The following FOXJ3 variants were observed in gnomAD, a reference collection of about 807,000 sequenced individuals.
The protein encoded by FOXJ3 is forkhead box J3, also known as forkhead box protein J3.
FOXJ3 carries 22 observed loss-of-function variants against 76.1 expected under a neutral mutation model. The ratio of observed to expected loss-of-function variants is 0.29; its 90% confidence interval spans 0.21 to 0.41. The LOEUF (loss-of-function observed/expected upper bound fraction) is 0.41. Ranked by LOEUF, FOXJ3 falls within the 10% of genes least tolerant of loss-of-function variation. The pLI is 1.00. For missense variants in FOXJ3, 613 were observed against 762.1 expected (o/e 0.80, Z 2.30); for synonymous variants, 269 against 261.2 (o/e 1.03, Z -0.29).
chr1:42,218,106 T>C (rs143781891), intron 5 of FOXJ3, among the ~76,000 whole-genome samples: 1 of 152,228 alleles, frequency 6.6e-6, no homozygotes, highest in Non-Finnish European at 1.5e-5. Context: ...AGAGTAGGCA[T>C]GTAGATTGCA....
At chr1:42,205,945 T>C (rs572900610) in intron 5 of FOXJ3, 82 bp from the exon 6 acceptor site, 3 of 730,324 alleles carry the variant, frequency 4.1e-6, no homozygotes, top group Non-Finnish European at 7.0e-6. Flanking sequence ...CTCATCAAAT[T>C]CTTGAACATC....
At chr1:42,205,956 C>A in intron 5 of FOXJ3, 93 bp from the exon 6 acceptor site, 1 of 679,266 alleles carries the variant, frequency 1.5e-6, no homozygotes, top group Non-Finnish European at 2.5e-6. Context: ...CTTGAACATC[C>A]AGTTTTGTGC....
intron 2 of FOXJ3, among the ~76,000 whole-genome samples, chr1:42,279,584 G>C (rs1244208416): frequency 6.6e-6 from 1 of 152,120 alleles, no homozygotes. Context: ...AAATCTGCCA[G>C]GTTAACACAT....
chr1:42,335,006 C>T (rs1484428152), intron 1 of FOXJ3, 53 bp downstream of exon 1: 1 of 152,436 alleles, frequency 6.6e-6, no homozygotes. Flanking sequence ...ATGCCACAGC[C>T]CCGCCTCCTC....
intron 5 of FOXJ3, among the ~76,000 whole-genome samples, chr1:42,225,612 T>G (rs935953075): frequency 2.0e-5 from 3 of 152,216 alleles, no homozygotes; most frequent in Non-Finnish European, 4.4e-5. Flanking sequence ...TAGGCCAAAA[T>G]GAATATCAGT....
intron 2 of FOXJ3, among the ~76,000 whole-genome samples, chr1:42,285,031 CAA>C (rs1406224935): frequency 3.3e-5 from 5 of 152,148 alleles, no homozygotes; most frequent in Non-Finnish European, 5.9e-5. Flanking sequence ...TACTATGTCA[CAA>C]AGTTAGTATT....
chr1:42,312,336 G>A (rs1355171567), intron 1 of FOXJ3, among the ~76,000 whole-genome samples: 1 of 152,032 alleles, frequency 6.6e-6, no homozygotes, highest in Non-Finnish European at 1.5e-5. Flanking sequence ...GAGCTTACAG[G>A]TATAAGCGAC....
intron 2 of FOXJ3, among the ~76,000 whole-genome samples, chr1:42,279,110 A>C (rs929013502): frequency 1.3e-5 from 2 of 152,220 alleles, no homozygotes; most frequent in Non-Finnish European, 2.9e-5. Flanking sequence ...GAGTCATAAA[A>C]ACAAATTACC....
intron 5 of FOXJ3, among the ~76,000 whole-genome samples, chr1:42,215,717 T>A (rs1046827705): frequency 6.6e-6 from 1 of 152,088 alleles, no homozygotes; most frequent in Non-Finnish European, 1.5e-5. Context: ...AAACTACATA[T>A]CACATGCAGG....
intron 4 of FOXJ3, among the ~76,000 whole-genome samples, chr1:42,231,404 TGATTCCACTTATAA>T (rs1648102355): frequency 6.6e-6 from 1 of 152,238 alleles, no homozygotes; most frequent in Admixed American, 6.5e-5. Context: ...AAATATTGTA[TGATTCCACTTATAA>T]GTACTAAAAT....
intron 2 of FOXJ3, among the ~76,000 whole-genome samples, chr1:42,290,347 G>A (rs1369591943): frequency 6.6e-6 from 1 of 152,086 alleles, no homozygotes; most frequent in African/African-American, 2.4e-5. Context: ...TAAACAAACA[G>A]ACCTTCTGTT....
intron 4 of FOXJ3, among the ~76,000 whole-genome samples, chr1:42,255,255 C>T (rs368970710): frequency 4.6e-5 from 7 of 151,960 alleles, no homozygotes; most frequent in Non-Finnish European, 8.8e-5. Flanking sequence ...GTAGAGTAGG[C>T]GGTATAAAGT....
chr1:42,289,614 CAT>C (rs1196193244), intron 2 of FOXJ3, among the ~76,000 whole-genome samples: 2 of 152,172 alleles, frequency 1.3e-5, no homozygotes, highest in South Asian at 4.1e-4. Flanking sequence ...TGCTCATGCA[CAT>C]GTCAGGCTTT....
At chr1:42,299,487 G>A (rs1653995855) in intron 2 of FOXJ3, among the ~76,000 whole-genome samples, 1 of 147,868 alleles carries the variant, frequency 6.8e-6, no homozygotes. Flanking sequence ...GTCTGTAACT[G>A]TCTTTAACCA....
chr1:42,180,793 G>A (rs1190739405), intron 12 of FOXJ3, among the ~76,000 whole-genome samples: 1 of 152,134 alleles, frequency 6.6e-6, no homozygotes, highest in Non-Finnish European at 1.5e-5. Context: ...CTAACAACTC[G>A]AGGACACAGG....
At chr1:42,214,330 T>G (rs1647023569) in intron 5 of FOXJ3, among the ~76,000 whole-genome samples, 1 of 152,188 alleles carries the variant, frequency 6.6e-6, no homozygotes, top group South Asian at 2.1e-4. Context: ...AGGCAAAAAG[T>G]AGTCTGATCG....
chr1:42,207,312 G>C, intron 5 of FOXJ3, among the ~76,000 whole-genome samples: 1 of 152,212 alleles, frequency 6.6e-6, no homozygotes, highest in South Asian at 2.1e-4. Flanking sequence ...GTGTACATCA[G>C]TTATAGTTTT....
chr1:42,215,613 A>T (rs1271078642), intron 5 of FOXJ3, among the ~76,000 whole-genome samples: 2 of 152,244 alleles, frequency 1.3e-5, no homozygotes, highest in Non-Finnish European at 2.9e-5. Flanking sequence ...CAATTAGCTC[A>T]GTAAACCCCA....
chr1:42,304,499 G>T (rs974905790), intron 2 of FOXJ3, among the ~76,000 whole-genome samples: 3 of 152,058 alleles, frequency 2.0e-5, no homozygotes, highest in African/African-American at 7.2e-5. Flanking sequence ...CTGACTTCAA[G>T]TTATACTACA....
Sources: allele counts gnomAD v4.1 joint callset (sites outside exome capture counted in the v4.1 genomes callset), GRCh38; gene constraint gnomAD v4.1.1; transcripts MANE v1.5; gene names NCBI Gene and HGNC (gene_info 2026-07-23, HGNC 2026-07-21).